The following PSMC6 variants were observed in gnomAD, a reference collection of about 807,000 sequenced individuals.
The protein encoded by PSMC6 is proteasome 26S subunit, ATPase 6, also known as 26S proteasome regulatory subunit 10B.
PSMC6 carries 3 observed loss-of-function variants against 55.9 expected under a neutral mutation model. The observed-to-expected ratio is 0.05, with a 90% CI of 0.02 to 0.14. The LOEUF is 0.14. PSMC6 is among the 10% of genes least tolerant of loss of function. The probability of loss-of-function intolerance (pLI) is 1.00; values close to 1 mark genes in which losing one functional copy is unlikely to be tolerated. For synonymous variants in PSMC6, 137 were observed against 155.9 expected (o/e 0.88, Z 0.90); for missense variants, 210 against 478.7 (o/e 0.44, Z 5.24).
At chr14:52,715,068 T>C (rs1352316657) in intron 7 of PSMC6, among the ~76,000 whole-genome samples, 1 of 151,682 alleles carries the variant, frequency 6.6e-6, no homozygotes, top group Non-Finnish European at 1.5e-5. Context: ...GAATCAGCAT[T>C]AGTGGCATGA....
At chr14:52,714,570 T>C (rs952241815) in intron 7 of PSMC6, among the ~76,000 whole-genome samples, 6 of 152,116 alleles carry the variant, frequency 3.9e-5, no homozygotes, top group African/African-American at 1.4e-4. Context: ...TTTATAATAC[T>C]GAAATGTTAA....
At position 52,718,969 on chromosome 14, in the gene PSMC6, T is replaced by C; in HGVS notation, c.716-8T>C. The C allele has an allele frequency of 6.2e-7, 1 of 1,603,604 alleles. No homozygotes were observed. The highest frequency in any genetic ancestry group is 8.5e-7 in the Non-Finnish European group (1 of 1,170,950). ...AATGCATATAAATTTCCAAATCTAC[T>C]ATCTTAGGTGGTCGTCGGTTTTCTG... On this transcript the variant is annotated splice_polypyrimidine_tract_variant and splice_region_variant and intron_variant, in intron 9 of 13. Transcript: ENST00000445930.
At chr14:52,726,849 C>G (rs1467587329) in intron 13 of PSMC6, among the ~76,000 whole-genome samples, 1 of 152,114 alleles carries the variant, frequency 6.6e-6, no homozygotes, top group East Asian at 1.9e-4. Flanking sequence ...ACCATGTTGG[C>G]TAGGCTGGTC....
At chr14:52,709,101 T>A (rs1417187508) in intron 4 of PSMC6, 1 of 261,142 alleles carries the variant, frequency 3.8e-6, no homozygotes, top group Non-Finnish European at 7.3e-6. Flanking sequence ...TTTATTTTAA[T>A]GTCATTTTTA....
At chr14:52,719,090 G>T (rs1412320183) in intron 10 of PSMC6, 52 bp downstream of exon 10, 1 of 1,396,536 alleles carries the variant, frequency 7.2e-7, no homozygotes, top group African/African-American at 1.4e-5. Flanking sequence ...ATTAAATGAA[G>T]AACTGAACAT....
At chr14:52,720,278 G>C (rs1446764289) in intron 10 of PSMC6, among the ~76,000 whole-genome samples, 2 of 137,670 alleles carry the variant, frequency 1.5e-5, no homozygotes, top group Non-Finnish European at 3.1e-5. Context: ...TGAGGTGGGA[G>C]GACTGGTCGA....
chr14:52,713,840 T>A (rs766147029), intron 6 of PSMC6, 41 bp from the exon 7 acceptor site: 2 of 1,330,892 alleles, frequency 1.5e-6, no homozygotes, highest in South Asian at 2.4e-5. Context: ...ACATTAAAAA[T>A]CTTGACTAAC....
chr14:52,725,017 C>T (rs1250368971), intron 13 of PSMC6, among the ~76,000 whole-genome samples: 1 of 152,160 alleles, frequency 6.6e-6, no homozygotes, highest in Non-Finnish European at 1.5e-5. Context: ...ATATGCAGGT[C>T]AGATACTTCT....
chr14:52,718,794 C>T (rs2041858550), intron 9 of PSMC6, 183 bp from the exon 10 acceptor site: 1 of 588,840 alleles, frequency 1.7e-6, no homozygotes, highest in Non-Finnish European at 3.0e-6. Context: ...CAATAAATAA[C>T]CTTTCACTTT....
At chr14:52,711,189 A>G in intron 5 of PSMC6, 21 bp downstream of exon 5, 3 of 1,595,224 alleles carry the variant, frequency 1.9e-6, no homozygotes, top group Non-Finnish European at 2.6e-6. Context: ...TATTCTATTT[A>G]GTTCACCTTT....
At chr14:52,724,116 G>A (rs113993397) in intron 13 of PSMC6, 80 bp downstream of exon 13, 60 of 1,331,776 alleles carry the variant, frequency 4.5e-5, no homozygotes, top group African/African-American at 3.6e-4. Context: ...ATCTGAAAGC[G>A]GAGCATAGAC....
chr14:52,726,454 G>A (rs1331715660), intron 13 of PSMC6, among the ~76,000 whole-genome samples: 1 of 152,062 alleles, frequency 6.6e-6, no homozygotes, highest in Non-Finnish European at 1.5e-5. Context: ...TATTAACAAA[G>A]AATGGCTATC....
intron 13 of PSMC6, among the ~76,000 whole-genome samples, chr14:52,724,565 T>C (rs1157090123): frequency 6.6e-6 from 1 of 152,094 alleles, no homozygotes; most frequent in Non-Finnish European, 1.5e-5. Context: ...TGTTGTCTAA[T>C]ACTAGTCTGT....
intron 4 of PSMC6, 123 bp downstream of exon 4, chr14:52,708,939 T>C: frequency 7.1e-7 from 1 of 1,401,668 alleles, no homozygotes; most frequent in Non-Finnish European, 9.6e-7. Context: ...GGATGATTTG[T>C]TCAGACATAG....
In PSMC6 at chr14:52,727,810, T is replaced by C; in HGVS notation, c.*193T>C. ...TTTGTATGTTTGTTAAAGTTGCATT[T>C]ATTGCAGCAAGTTACAAAGGGAAAG... is the stretch of plus-strand genomic sequence containing the variant. On this transcript the variant is annotated 3_prime_UTR_variant, in exon 14 of 14. Transcript: ENST00000445930. 2.3e-6 allele frequency: 1 copy of C among 438,694 alleles called. No individual in the cohort carries two copies. The highest frequency in any genetic ancestry group is 4.1e-6 in the Non-Finnish European group (1 of 244,686). 27.2% of individuals were successfully genotyped at this position (438,694 alleles called of 1,614,324 possible).
Position 52,728,426 on chromosome 14 carries a change from T to G in PSMC6, c.*809T>G, listed in dbSNP as rs1197747259. The stretch of plus-strand genomic sequence containing the variant: ...TGCGTATACTATAATTTCAGGAAAT[T>G]TATTGTTTCCCAAGCTCATCCAAGG... On this transcript the variant is annotated 3_prime_UTR_variant, in exon 14 of 14. Transcript: ENST00000445930. 1 of 152,206 alleles carries G rather than the reference T, an allele frequency of 6.6e-6. No homozygotes were observed. Among genetic ancestry groups the G allele is most frequent in the Non-Finnish European group, 1.5e-5 (1 of 68,038 alleles). 9.4% of individuals were successfully genotyped at this position (152,206 alleles called of 1,614,324 possible). A position where few individuals can be genotyped will look rare whatever the true frequency, so the allele number is the denominator to read the frequency against.
chr14:52,711,666 G>GC, intron 6 of PSMC6, 142 bp downstream of exon 6: 3 of 433,212 alleles, frequency 6.9e-6, no homozygotes, highest in Non-Finnish European at 1.2e-5. Context: ...TTCTTGCTAA[G>GC]AAGAATAGCA....
chr14:52,713,154 C>T (rs560482337), intron 6 of PSMC6, among the ~76,000 whole-genome samples: 2 of 152,108 alleles, frequency 1.3e-5, no homozygotes, highest in South Asian at 2.1e-4. Context: ...CTCTTGTACC[C>T]GGGAGGCAGA....
Position 52,718,081 on chromosome 14 carries a change from G to C in PSMC6, c.530G>C (p.Gly177Ala), listed in dbSNP as rs1435670828. 6 of 1,612,462 alleles carry C rather than the reference G, an allele frequency of 3.7e-6. No individual in the cohort carries two copies. The highest frequency in any genetic ancestry group is 5.1e-6 in the Non-Finnish European group (6 of 1,179,840). ...TTAAGACTTCTTTTGTCATTCTTAGGTACGGGAAAAACACTCTTGGCACGA... is the reference window on the plus strand; with the variant it reads ...TTAAGACTTCTTTTGTCATTCTTAGCTACGGGAAAAACACTCTTGGCACGA... ...PKGCLLYGPP[G>A]TGKTLLARAV... Residue 177 changes from glycine to alanine, a missense_variant and splice_region_variant, in exon 8 of 14, where the codon GGT (glycine) becomes GCT (alanine). Gly to Ala is a moderately conservative substitution (Grantham distance 60, BLOSUM62 0). Transcript: ENST00000445930.
Sources: allele counts gnomAD v4.1 joint callset (sites outside exome capture counted in the v4.1 genomes callset), GRCh38; gene constraint gnomAD v4.1.1; transcripts MANE v1.5; gene names NCBI Gene and HGNC (gene_info 2026-07-23, HGNC 2026-07-21).